The following SLC16A2 variants were observed in gnomAD, a reference collection of about 807,000 sequenced individuals.
SLC16A2 encodes solute carrier family 16 member 2.
SLC16A2 carries 3 observed loss-of-function variants against 27.2 expected under a neutral mutation model. The ratio of observed to expected loss-of-function variants is 0.11; its 90% CI spans 0.05 to 0.28. The LOEUF (loss-of-function observed/expected upper bound fraction) is 0.28. SLC16A2 is among the 10% of genes least tolerant of loss of function. The pLI, the probability that SLC16A2 is intolerant of heterozygous loss-of-function variation, is 1.00. For missense variants in SLC16A2, 295 were observed against 458.5 expected (o/e 0.64, Z 3.26); for synonymous variants, 202 against 187.8 (o/e 1.08, Z -0.62).
intron 1 of SLC16A2, among the ~76,000 whole-genome samples, chrX:74,468,591 T>G (rs1268869425): frequency 9.3e-6 from 1 of 107,851 alleles, no homozygotes; most frequent in Non-Finnish European, 1.9e-5. Flanking sequence ...CCAGTACAAG[T>G]TTTTAAATTA....
chrX:74,508,802 A>T (rs1930178118), intron 1 of SLC16A2, among the ~76,000 whole-genome samples: 1 of 110,533 alleles, frequency 9.0e-6, no homozygotes, highest in Non-Finnish European at 1.9e-5. Context: ...TTATTTTATC[A>T]CCCAGGTATT....
intron 1 of SLC16A2, among the ~76,000 whole-genome samples, chrX:74,463,494 C>T (rs962539546): frequency 9.0e-6 from 1 of 111,262 alleles, no homozygotes; most frequent in African/African-American, 3.3e-5. Context: ...AACTGATGTA[C>T]AATAAACTGC....
chrX:74,443,147 T>C (rs1314270661), intron 1 of SLC16A2, among the ~76,000 whole-genome samples: 1 of 111,437 alleles, frequency 9.0e-6, no homozygotes, highest in African/African-American at 3.3e-5. Context: ...TATGAGGGGA[T>C]ATTCCTCCCT....
chrX:74,492,596 C>T (rs1352676773), intron 1 of SLC16A2, among the ~76,000 whole-genome samples: 1 of 110,559 alleles, frequency 9.0e-6, no homozygotes, highest in Non-Finnish European at 1.9e-5. Flanking sequence ...TCAGAAACAC[C>T]CCAGGGACCA....
At chrX:74,465,748 T>C (rs1481560061) in intron 1 of SLC16A2, among the ~76,000 whole-genome samples, 1 of 111,643 alleles carries the variant, frequency 9.0e-6, no homozygotes, top group Non-Finnish European at 1.9e-5. Flanking sequence ...GTTCTCTACT[T>C]GCTGCTAGCC....
In SLC16A2 at chrX:74,524,545, G is replaced by C. The variant is rs749602619; in HGVS notation, c.762G>C (p.Gly254=). ...TCCCCTTCCTCATCAGAATGCTGGG[G>C]GATAAGATCAAGCTGGCCCAAACCT... is the stretch of plus-strand genomic sequence containing the variant. ...MSFPFLIRML[G]DKIKLAQTFQ... is the part of the protein sequence containing the mutation. Residue 254 remains glycine (G), a synonymous_variant, in exon 3 of 6, where the codon GGG becomes GGC. Coordinates refer to ENST00000587091, the MANE Select transcript of SLC16A2 (RefSeq NM_006517.5). 8.3e-7 allele frequency: 1 copy of C among 1,211,194 alleles called. No homozygotes were observed. The highest frequency in any genetic ancestry group is 1.1e-6 in the Non-Finnish European group (1 of 895,397).
In SLC16A2 at chrX:74,533,084, C is replaced by T. The variant is rs1473104635; in HGVS notation, c.*1531C>T. ...CCTTTGTCTATTGTGTTCCTGTCAC[C>T]CACCCTTTCATCATCTTTTTGCCAG... On this transcript the variant is annotated 3_prime_UTR_variant, in exon 6 of 6. Transcript: ENST00000587091. 1 of 111,990 alleles carries T rather than the reference C, an allele frequency of 8.9e-6. No homozygotes were observed. Among genetic ancestry groups the T allele is most frequent in the Non-Finnish European group, 1.9e-5 (1 of 53,076 alleles). 9.2% of individuals were successfully genotyped at this position (111,990 alleles called of 1,213,427 possible).
intron 1 of SLC16A2, among the ~76,000 whole-genome samples, chrX:74,502,869 G>C (rs1251565744): frequency 9.0e-6 from 1 of 110,532 alleles, no homozygotes; most frequent in African/African-American, 3.3e-5. Context: ...GTCAAGCATG[G>C]TCCACGGGCT....
At chrX:74,441,735 A>G (rs1310858486) in intron 1 of SLC16A2, among the ~76,000 whole-genome samples, 4 of 111,331 alleles carry the variant, frequency 3.6e-5, no homozygotes, top group South Asian at 3.9e-4. Flanking sequence ...CTTGATCTCT[A>G]TTAGAGATCC....
intron 1 of SLC16A2, among the ~76,000 whole-genome samples, chrX:74,506,671 C>G (rs1208699173): frequency 9.0e-6 from 1 of 110,679 alleles, no homozygotes; most frequent in East Asian, 2.9e-4. Context: ...ATCTCAGGGA[C>G]TTTCCCATGG....
intron 1 of SLC16A2, among the ~76,000 whole-genome samples, chrX:74,474,900 T>G (rs1282091535): frequency 1.8e-5 from 2 of 110,874 alleles, no homozygotes; most frequent in Admixed American, 9.6e-5. Context: ...TTGGGTTGGT[T>G]CCAAGTCTTT....
intron 1 of SLC16A2, among the ~76,000 whole-genome samples, chrX:74,440,522 CTT>C (rs34468845): frequency 9.4e-4 from 66 of 69,984 alleles, no homozygotes; most frequent in East Asian, 3.4e-3. Flanking sequence ...ATATAAATTC[CTT>C]TTTTTTTTTT....
At chrX:74,439,186 T>TTCTTTC (rs1555981279) in intron 1 of SLC16A2, among the ~76,000 whole-genome samples, 6 of 51,474 alleles carry the variant, frequency 1.2e-4, no homozygotes, top group African/African-American at 2.9e-4. Flanking sequence ...CTTTCTTTCT[T>TTCTTTC]TTTCTTTCTT....
intron 1 of SLC16A2, among the ~76,000 whole-genome samples, chrX:74,460,594 G>C (rs1337446607): frequency 8.9e-6 from 1 of 112,295 alleles, no homozygotes; most frequent in African/African-American, 3.2e-5. Context: ...TATTGGCCTA[G>C]AGCCTGGCCT....
intron 1 of SLC16A2, among the ~76,000 whole-genome samples, chrX:74,466,576 G>A (rs1929254393): frequency 8.9e-6 from 1 of 111,942 alleles, no homozygotes; most frequent in African/African-American, 3.2e-5. Flanking sequence ...AAGGAGTAAT[G>A]ACAAAAAAAG....
chrX:74,457,538 C>T (rs7885527), intron 1 of SLC16A2, among the ~76,000 whole-genome samples: 1,649 of 111,638 alleles, frequency 0.015, 29 homozygotes, highest in African/African-American at 0.052. Flanking sequence ...TTGTCATTGC[C>T]TTTCCCCTCA....
At position 74,505,575 on chromosome X, in the gene SLC16A2, C is replaced by T. The variant is rs1316859406; in HGVS notation, c.431-15415C>T. On this transcript the variant is annotated intron_variant, in intron 1 of 5. Transcript: ENST00000587091. Reference sequence around the variant, plus strand: ...TCTCTTGAGATTTCCTGCAGGCTTTCATGCTTCATGAAGTCGTAGCAGCAG... The same window carrying T: ...TCTCTTGAGATTTCCTGCAGGCTTTTATGCTTCATGAAGTCGTAGCAGCAG... Among the ~76,000 whole-genome samples the T allele has an allele frequency of 6.3e-5, 7 of 111,999 alleles. No homozygotes were observed. In the Admixed American group the frequency reaches 6.6e-4, roughly 11 times the overall value.
chrX:74,443,030 A>G (rs1183209185), intron 1 of SLC16A2, among the ~76,000 whole-genome samples: 5 of 112,183 alleles, frequency 4.5e-5, no homozygotes, highest in Non-Finnish European at 5.6e-5. Flanking sequence ...GTGAGAATTC[A>G]GTCTTAACTC....
Position 74,507,739 on chromosome X carries a change from T to G in SLC16A2, c.431-13251T>G, listed in dbSNP as rs184667800. ...GCATAAAAAAGAATGAAATCATGTC[T>G]TTTGCAGCAACATGGATAGAACTGG... On this transcript the variant is annotated intron_variant, in intron 1 of 5. Transcript: ENST00000587091. 3.4e-4 allele frequency among the ~76,000 whole-genome samples: 38 copies of G among 112,235 alleles called. No individual in the cohort carries two copies. The East Asian group carries it at 9.8e-3, about 29-fold the overall frequency.
Sources: allele counts gnomAD v4.1 joint callset (sites outside exome capture counted in the v4.1 genomes callset), GRCh38; gene constraint gnomAD v4.1.1; transcripts MANE v1.5; gene names NCBI Gene and HGNC (gene_info 2026-07-23, HGNC 2026-07-21).